The following PRRT4 variants were observed in gnomAD, a reference collection of about 807,000 sequenced individuals.
PRRT4 encodes proline-rich transmembrane protein 4.
In PRRT4, 59 loss-of-function variants were observed where a neutral mutation model predicts 55.6. That is an observed-to-expected ratio of 1.06 (90% CI 0.86 to 1.32). The LOEUF is 1.32. PRRT4 is among the 40% of genes most tolerant of loss of function. PRRT4 has a pLI of 0.00. For missense variants in PRRT4, 1,217 were observed against 1,222.0 expected (o/e 1.00, Z 0.06); for synonymous variants, 606 against 601.8 (o/e 1.01, Z -0.10).
At chr7:128,359,408 C>G in exon 2 of PRRT4, 2 of 1,465,716 alleles carry the variant, frequency 1.4e-6, no homozygotes, top group Non-Finnish European at 1.8e-6. Flanking sequence ...GGGCAGCGTT[C>G]GATGCCCAAG....
At chr7:128,359,404 C>G in exon 2 of PRRT4, 1 of 1,465,678 alleles carries the variant, frequency 6.8e-7, no homozygotes, top group Non-Finnish European at 9.0e-7. Flanking sequence ...GCAGGGGCAG[C>G]GTTCGATGCC....
intron 1 of PRRT4, 120 bp from the exon 3 acceptor site, chr7:128,360,183 A>C: frequency 2.3e-6 from 1 of 429,748 alleles, no homozygotes; most frequent in Admixed American, 4.4e-5. Context: ...GGCAGGATGC[A>C]AAGTGTCCTG....
intron 4 of PRRT4, among the ~76,000 whole-genome samples, chr7:128,354,628 G>A (rs1414165020): frequency 1.3e-5 from 2 of 151,264 alleles, no homozygotes; most frequent in African/African-American, 2.4e-5. Context: ...TAATAAATGC[G>A]TAAAAGATAA....
chr7:128,359,703 G>A (rs1362700647), exon 2 of PRRT4: 6 of 1,551,532 alleles, frequency 3.9e-6, no homozygotes, highest in Non-Finnish European at 5.2e-6. Flanking sequence ...TCCCAAAGGG[G>A]GTCAGTCCTC....
chr7:128,355,783 G>C (rs898016736), intron 4 of PRRT4, among the ~76,000 whole-genome samples: 9 of 152,132 alleles, frequency 5.9e-5, no homozygotes, highest in African/African-American at 2.2e-4. Flanking sequence ...AGGAGCCCAC[G>C]GTCTGCCCCA....
At chr7:128,356,522 C>A (rs1247772597) in intron 4 of PRRT4, among the ~76,000 whole-genome samples, 1 of 152,198 alleles carries the variant, frequency 6.6e-6, no homozygotes, top group Non-Finnish European at 1.5e-5. Context: ...CAGTTTTCCC[C>A]AGAAGAGTCC....
At position 128,351,250 on chromosome 7, in the gene PRRT4, G is replaced by A. The variant is rs947571421; in HGVS notation, c.2306C>T (p.Thr769Ile). 16 of 1,539,468 alleles carry A rather than the reference G, an allele frequency of 1.0e-5. No individual in the cohort carries two copies. In the Admixed American group the frequency reaches 1.8e-4, roughly 17 times the overall value. The change falls in exon 5 of 5, where the codon ACC (threonine) becomes ATC (isoleucine). Residue 769 changes from threonine (T) to isoleucine (I), a missense_variant. Around this residue, in one of 3 missense-constraint regions of PRRT4, gnomAD observed 642 missense variants for 600.9 expected, o/e 1.07. Coordinates refer to ENST00000535159, the Ensembl canonical transcript of PRRT4. ...TGATCTCTCACTGGCCCTGCCCCCG[G>A]TCCCCAGCGAGGCGGTGCGGTAGAG...
rs1177225571 is a variant in PRRT4 at position 128,351,356 on chromosome 7, C to A, written c.2200G>T (p.Glu734Ter). The change falls in exon 5 of 5, where the codon GAG becomes TAG. Residue 734 changes from glutamate to a stop codon, truncating the protein, a stop_gained. Transcript: ENST00000535159. LOFTEE classifies it high-confidence loss of function. ...AGCAGGGCCTCGCTGCAGAGGGCCT[C>A]CTCGATGCTGCGTCGCAGGTTGATT... The A allele has an allele frequency of 2.6e-6, 4 of 1,547,234 alleles. No homozygotes were observed.
Position 128,358,556 on chromosome 7 carries a change from GA to G in PRRT4, c.877+124del, listed in dbSNP as rs1797163734. The G allele has an allele frequency of 1.2e-6, 1 of 863,332 alleles. No homozygotes were observed. The highest frequency in any genetic ancestry group is 1.7e-5 in the African/African-American group (1 of 59,718). 53.5% of individuals were successfully genotyped at this position (863,332 alleles called of 1,614,324 possible). On this transcript the variant is annotated intron_variant, in intron 4 of 4. Transcript: ENST00000535159. The surrounding 1 kb of genome is among the most constrained non-coding windows in gnomAD (Gnocchi z 4.4). ...TCATATATATCTCCACGGTGATGATGAAGAGAATGATGATTATGATTATGAT... is the reference window on the plus strand; with the variant it reads ...TCATATATATCTCCACGGTGATGATGAGAGAATGATGATTATGATTATGAT...
chr7:128,353,776 C>T (rs970139553), intron 4 of PRRT4, among the ~76,000 whole-genome samples: 2 of 152,208 alleles, frequency 1.3e-5, no homozygotes, highest in Non-Finnish European at 2.9e-5. Context: ...AAAATGCCAT[C>T]TAAGTAAGTG....
At chr7:128,351,913 A>T in exon 5 of PRRT4, 1 of 1,317,638 alleles carries the variant, frequency 7.6e-7, no homozygotes, top group Non-Finnish European at 9.6e-7. Flanking sequence ...CCGAGGGGCG[A>T]AGGGGCTGCG....
intron 4 of PRRT4, among the ~76,000 whole-genome samples, chr7:128,355,589 A>C (rs1797096239): frequency 6.6e-6 from 1 of 152,176 alleles, no homozygotes; most frequent in African/African-American, 2.4e-5. Flanking sequence ...GGGAATGGAG[A>C]GCTTGCTGAT....
intron 3 of PRRT4, 29 bp downstream of exon 4, chr7:128,359,120 A>G: frequency 6.5e-7 from 1 of 1,544,442 alleles, no homozygotes; most frequent in Non-Finnish European, 8.8e-7. Flanking sequence ...AGTGTTCCAC[A>G]ATAGTTTATT....
exon 5 of PRRT4, chr7:128,351,626 G>A (rs552338648): frequency 6.6e-7 from 1 of 1,513,594 alleles, no homozygotes; most frequent in South Asian, 1.2e-5. Flanking sequence ...GGAGCCGCGT[G>A]GCCCGGGGAC....
At position 128,359,442 on chromosome 7, in the gene PRRT4, G is replaced by C; in HGVS notation, c.550C>G (p.Leu184Val). 2 of 1,462,844 alleles carry C rather than the reference G, an allele frequency of 1.4e-6. No homozygotes were observed. Among genetic ancestry groups the C allele is most frequent in the Non-Finnish European group, 1.8e-6 (2 of 1,107,068 alleles). 90.6% of individuals were successfully genotyped at this position (1,462,844 alleles called of 1,614,324 possible). A position where few individuals can be genotyped will look rare whatever the true frequency, so the allele number is the denominator to read the frequency against. ...AGCGTGGGGGCTGCACCTGCTCTCA[G>C]TGCCATGTCAAACTTCAGCTCCAGC... Residue 184 changes from leucine (L) to valine (V), a missense_variant, in exon 2 of 5, where the codon CTG becomes GTG. Around this residue, in one of 3 missense-constraint regions of PRRT4, gnomAD observed 564 missense variants for 592.9 expected, o/e 0.95. Coordinates refer to ENST00000535159, the Ensembl canonical transcript of PRRT4.
At chr7:128,359,055 A>C (rs1797175828) in intron 3 of PRRT4, 94 bp downstream of exon 4, 1 of 1,360,036 alleles carries the variant, frequency 7.4e-7, no homozygotes, top group Non-Finnish European at 1.0e-6. Flanking sequence ...GCAATGCAAG[A>C]AAGTAAAAAA....
downstream of PRRT4, chr7:128,350,752 G>T: frequency 1.4e-6 from 2 of 1,476,926 alleles, no homozygotes; most frequent in African/African-American, 1.4e-5. Context: ...ATCTGGAGAG[G>T]TATCTGAGCC....
In PRRT4 at chr7:128,358,546, C is replaced by T. The variant is rs756532274; in HGVS notation, c.877+135G>A. On this transcript the variant is annotated intron_variant, in intron 4 of 4. Coordinates refer to ENST00000535159, the Ensembl canonical transcript of PRRT4. This position sits in a 1 kb window ranked among gnomAD's most constrained non-coding sequence, Gnocchi z 4.4. ...CTCAGACCATTCATATATATCTCCACGGTGATGATGAAGAGAATGATGATT... is the reference window on the plus strand; with the variant it reads ...CTCAGACCATTCATATATATCTCCATGGTGATGATGAAGAGAATGATGATT... 10 of 810,980 alleles carry T rather than the reference C, an allele frequency of 1.2e-5. No homozygotes were observed. The highest frequency in any genetic ancestry group is 1.8e-5 in the Non-Finnish European group (9 of 508,196). The allele number at this position is 810,980 out of a possible 1,614,324, so 50.2% of individuals were successfully genotyped here. A position where few individuals can be genotyped will look rare whatever the true frequency, so the allele number is the denominator to read the frequency against.
exon 3 of PRRT4, chr7:128,359,152 G>A: frequency 6.4e-7 from 1 of 1,551,688 alleles, no homozygotes; most frequent in Non-Finnish European, 8.7e-7. Context: ...AACTCACCCA[G>A]AGAACCCGAA....
Sources: gnomAD v4.1 joint callset for allele counts (sites outside exome capture counted in the v4.1 genomes callset) on GRCh38, gnomAD v4.1.1 for gene constraint, gnomAD v4.1.1 regional missense constraint, Gnocchi (gnomAD v3.1) non-coding constraint, MANE v1.5 for transcripts, NCBI Gene and HGNC (gene_info 2026-07-23, HGNC 2026-07-21) for gene names.